SI: variants seen among roughly 807,000 people sequenced by gnomAD.
The protein encoded by SI is sucrase-isomaltase, intestinal.
SI carries 235 observed loss-of-function variants against 253.3 expected under a neutral mutation model. That is an observed-to-expected ratio of 0.93 (90% CI 0.83 to 1.03). The LOEUF (loss-of-function observed/expected upper bound fraction) is 1.03, where lower values mean the gene tolerates loss of function less well. Among genes scored for constraint, SI ranks in the 50% least tolerant of loss-of-function variants. SI has a pLI of 0.00. For missense variants in SI, 2,442 were observed against 2,211.1 expected (o/e 1.10, Z -2.09); for synonymous variants, 819 against 712.0 (o/e 1.15, Z -2.39).
upstream of SI, among the ~76,000 whole-genome samples, chr3:165,080,259 C>G (rs893586898): frequency 6.6e-6 from 1 of 151,974 alleles, no homozygotes; most frequent in Non-Finnish European, 1.5e-5. Flanking sequence ...TTTATTTCTT[C>G]CTTTAGAAGT....
At chr3:165,009,562 C>T (rs1718676296) in intron 34 of SI, among the ~76,000 whole-genome samples, 167 bp from the exon 35 acceptor site, 1 of 151,168 alleles carries the variant, frequency 6.6e-6, no homozygotes, top group South Asian at 2.1e-4. Flanking sequence ...CTCAACACTT[C>T]AATAGAGTAA....
Position 165,059,244 on chromosome 3 carries a change from T to C in SI, c.1202A>G (p.Asp401Gly). The change falls in exon 11 of 48, where the codon GAT becomes GGT. Residue 401 changes from aspartate to glycine, a missense_variant. By Grantham distance (94) the Asp-to-Gly change is moderately conservative. Transcript: ENST00000264382. ...YMEDKKDFTY[D>G]QVAFNGLPQF... ...AGGGAGTCCGTTAAACGCAACTTGA[T>C]CATAAGTAAAGTCTTTCTTGTCTTC... 1 of 1,612,714 alleles carries C rather than the reference T, an allele frequency of 6.2e-7. No individual in the cohort carries two copies. The highest frequency in any genetic ancestry group is 8.5e-7 in the Non-Finnish European group (1 of 1,179,146).
At chr3:164,986,740 A>C (rs1362371478) in intron 45 of SI, among the ~76,000 whole-genome samples, 1 of 152,068 alleles carries the variant, frequency 6.6e-6, no homozygotes, top group African/African-American at 2.4e-5. Flanking sequence ...GAAAAGTGTC[A>C]CTCCTTTTTG....
At chr3:165,036,265 A>G (rs1215416660) in intron 22 of SI, 124 bp downstream of exon 22, 6 of 697,948 alleles carry the variant, frequency 8.6e-6, no homozygotes, top group Non-Finnish European at 1.3e-5. Flanking sequence ...TGAAACAGAT[A>G]AAAAACATTA....
At chr3:165,022,101 C>T (rs1293309955) in intron 26 of SI, among the ~76,000 whole-genome samples, 1 of 151,378 alleles carries the variant, frequency 6.6e-6, no homozygotes, top group Admixed American at 6.6e-5. Flanking sequence ...ATTTTAGTTT[C>T]TTCTGTTAAA....
At chr3:165,045,576 A>T (rs1047566351) in intron 16 of SI, among the ~76,000 whole-genome samples, 3 of 151,296 alleles carry the variant, frequency 2.0e-5, no homozygotes, top group Non-Finnish European at 4.4e-5. Context: ...CATTGTATTA[A>T]TTTTTTCTCT....
the SI span, among the ~76,000 whole-genome samples, chr3:165,090,159 AAGAG>A: frequency 5.3e-4 from 78 of 147,754 alleles, no homozygotes; most frequent in African/African-American, 1.2e-3. Context: ...TAAAAAAAAA[AAGAG>A]AGAGAGAGAG....
chr3:165,019,669 T>C lies in SI; in HGVS notation c.3356A>G (p.His1119Arg). 2 of 1,612,792 alleles carry C rather than the reference T, an allele frequency of 1.2e-6. No homozygotes were observed. Among genetic ancestry groups the C allele is most frequent in the Admixed American group, 1.7e-5 (1 of 59,810 alleles). The change falls in exon 28 of 48, where the codon CAT becomes CGT. Residue 1119 changes from histidine (H) to arginine (R), a missense_variant. Transcript: ENST00000264382. Reference protein sequence around the residue: ...EYIYGFGEVEHTAFKRDLNWN... With the variant: ...EYIYGFGEVERTAFKRDLNWN... The stretch of plus-strand genomic sequence containing the variant: ...GTTCAGATCTCGCTTAAATGCTGTA[T>C]GTTCCACTTCCCCAAAACCATATAT...
chr3:165,073,850 T>A (rs1714761434), intron 3 of SI, among the ~76,000 whole-genome samples: 1 of 152,094 alleles, frequency 6.6e-6, no homozygotes, highest in South Asian at 2.1e-4. Flanking sequence ...AGAATGTGCA[T>A]AGGTTATATG....
At chr3:165,076,749 C>T (rs1715005115) in intron 1 of SI, among the ~76,000 whole-genome samples, 1 of 151,642 alleles carries the variant, frequency 6.6e-6, no homozygotes, top group South Asian at 2.1e-4. Flanking sequence ...ATGGAAGATA[C>T]CCAAATGTAG....
intron 25 of SI, among the ~76,000 whole-genome samples, chr3:165,027,986 G>C (rs1158173551): frequency 1.3e-5 from 2 of 151,320 alleles, no homozygotes; most frequent in Non-Finnish European, 3.0e-5. Flanking sequence ...CAGTAAAGGG[G>C]AAGTCAAACT....
intron 26 of SI, among the ~76,000 whole-genome samples, chr3:165,022,810 C>T (rs768830051): frequency 1.3e-5 from 2 of 151,578 alleles, no homozygotes; most frequent in Non-Finnish European, 3.0e-5. Flanking sequence ...AGATATTTCA[C>T]TAAGATTTAT....
Position 165,042,946 on chromosome 3 carries a change from A to G in SI, c.2004+113T>C, listed in dbSNP as rs1225957785. ...AGAGAGGGACTTCTAACAATGTCTT[A>G]TGAATTATGCTACAATCTTTCAGAC... On this transcript the variant is annotated intron_variant, in intron 17 of 47. Transcript: ENST00000264382. 6.6e-6 allele frequency: 5 copies of G among 759,302 alleles called. No homozygotes were observed. The East Asian group carries it at 7.5e-5, about 11-fold the overall frequency. 47.0% of individuals were successfully genotyped at this position (759,302 alleles called of 1,614,324 possible). A position where few individuals can be genotyped will look rare whatever the true frequency, so the allele number is the denominator to read the frequency against.
intron 13 of SI, among the ~76,000 whole-genome samples, chr3:165,052,852 A>C (rs1713501691): frequency 6.6e-6 from 1 of 152,136 alleles, no homozygotes; most frequent in African/African-American, 2.4e-5. Context: ...AAATGTAGAA[A>C]GAATATAACC....
chr3:165,039,588 G>A (rs1303298320), intron 19 of SI, among the ~76,000 whole-genome samples: 1 of 151,768 alleles, frequency 6.6e-6, no homozygotes, highest in Admixed American at 6.6e-5. Context: ...CTACTTAAAT[G>A]AGAACTCTTT....
At chr3:164,995,496 T>C (rs1717971146) in intron 40 of SI, among the ~76,000 whole-genome samples, 1 of 151,832 alleles carries the variant, frequency 6.6e-6, no homozygotes, top group South Asian at 2.1e-4. Flanking sequence ...CCAACTCATA[T>C]TTAAACTTAA....
intron 26 of SI, among the ~76,000 whole-genome samples, chr3:165,022,573 T>A (rs1472407032): frequency 1.1e-5 from 1 of 91,518 alleles, no homozygotes; most frequent in African/African-American, 3.7e-5. Flanking sequence ...ACACACACAA[T>A]CTTCTATGCT....
rs985353190 is a variant in SI, at chr3:165,068,427, G to C, written c.483+295C>G. Among the ~76,000 whole-genome samples the C allele has an allele frequency of 6.4e-4, 97 of 152,144 alleles. 3 individuals are homozygous for C. Among genetic ancestry groups the C allele is most frequent in the Non-Finnish European group, 1.9e-4 (13 of 68,030 alleles). On this transcript the variant is annotated intron_variant, in intron 5 of 47. Transcript: ENST00000264382. ...GAGAAAATGTATTTGTAGGATGAAAGGTGTGTTCATCAAATGTCTCACTGA... is the reference window on the plus strand; with the variant it reads ...GAGAAAATGTATTTGTAGGATGAAACGTGTGTTCATCAAATGTCTCACTGA...
upstream of SI, among the ~76,000 whole-genome samples, chr3:165,081,904 C>T (rs1419045259): frequency 6.6e-6 from 1 of 151,886 alleles, no homozygotes; most frequent in Non-Finnish European, 1.5e-5. Flanking sequence ...GGGCAAGACA[C>T]CAGAACCATT....
Sources: gnomAD v4.1 joint callset for allele counts (sites outside exome capture counted in the v4.1 genomes callset) on GRCh38, gnomAD v4.1.1 for gene constraint, MANE v1.5 for transcripts, NCBI Gene and HGNC (gene_info 2026-07-23, HGNC 2026-07-21) for gene names.